The following GPR160 variants were observed in gnomAD, a reference collection of about 807,000 sequenced individuals.
GPR160 encodes G protein-coupled receptor 160, also known as probable G protein-coupled receptor 160.
Under a neutral mutation model 2.6 loss-of-function variants are expected in GPR160, and 2 were observed. The ratio of observed to expected loss-of-function variants is 0.77; its 90% CI spans 0.32 to 2.44. The LOEUF is 2.44. GPR160 is among the 30% of genes most tolerant of loss of function. GPR160 has a pLI of 0.11. For synonymous variants in GPR160, 130 were observed against 132.2 expected (o/e 0.98, Z 0.12); for missense variants, 351 against 383.6 (o/e 0.91, Z 0.71).
intron 3 of GPR160, among the ~76,000 whole-genome samples, chr3:170,080,711 T>C (rs1185792901): frequency 2.0e-5 from 3 of 152,156 alleles, no homozygotes; most frequent in South Asian, 2.1e-4. Context: ...CTACCTGGCT[T>C]TTCTTTTTGC....
At chr3:170,076,803 C>T (rs1461675958) in intron 2 of GPR160, among the ~76,000 whole-genome samples, 1 of 152,170 alleles carries the variant, frequency 6.6e-6, no homozygotes, top group Non-Finnish European at 1.5e-5. Flanking sequence ...ACCAGCCTCC[C>T]AAAGTGCTGC....
chr3:170,043,901 G>A (rs1284722012), intron 2 of GPR160, among the ~76,000 whole-genome samples: 4 of 151,862 alleles, frequency 2.6e-5, no homozygotes. Context: ...TTTAGGGAAG[G>A]GTAGTACATC....
intron 2 of GPR160, among the ~76,000 whole-genome samples, chr3:170,041,245 C>A (rs1716433306): frequency 6.6e-6 from 1 of 151,764 alleles, no homozygotes; most frequent in Admixed American, 6.6e-5. Context: ...TTCGGTGAAT[C>A]TCCCCGGCGT....
intron 2 of GPR160, among the ~76,000 whole-genome samples, chr3:170,045,779 A>G (rs991578818): frequency 6.6e-6 from 1 of 152,090 alleles, no homozygotes; most frequent in African/African-American, 2.4e-5. Flanking sequence ...TTAATTGGTT[A>G]TTAGCCAGAG....
At chr3:170,077,417 G>A (rs375124689) in intron 2 of GPR160, 1 of 152,150 alleles carries the variant, frequency 6.6e-6, no homozygotes, top group East Asian at 1.9e-4. Context: ...AGATGTATAG[G>A]TAATCGGTCA....
intron 3 of GPR160, among the ~76,000 whole-genome samples, chr3:170,082,093 T>C (rs982694847): frequency 6.6e-6 from 1 of 152,202 alleles, no homozygotes; most frequent in Non-Finnish European, 1.5e-5. Context: ...GTTTTCAGAC[T>C]CAAAACTCCA....
Position 170,084,107 on chromosome 3 carries a change from G to A in GPR160, c.135G>A (p.Met45Ile), listed in dbSNP as rs766892041. 10 of 1,595,876 alleles carry A rather than the reference G, an allele frequency of 6.3e-6. No homozygotes were observed. In the African/African-American group the frequency reaches 1.2e-4, roughly 19 times the overall value. Residue 45 changes from methionine (M) to isoleucine (I), a missense_variant, in exon 4 of 4, where the codon ATG becomes ATA. Transcript: ENST00000355897. ...KILLNILTLG[M>I]RRKNTCQNFM... ...TATTAAATATCCTTACACTAGGAATGAGAAGAAAAAACACCTGTCAAAATT... is the reference window on the plus strand; with the variant it reads ...TATTAAATATCCTTACACTAGGAATAAGAAGAAAAAACACCTGTCAAAATT...
chr3:170,059,030 AACACACACAC>A (rs10542909), intron 2 of GPR160, among the ~76,000 whole-genome samples: 121 of 148,810 alleles, frequency 8.1e-4, no homozygotes, highest in East Asian at 3.1e-3. Flanking sequence ...CACATGCACA[AACACACACAC>A]ACACACACAC....
At chr3:170,072,449 G>T (rs772075430) in intron 2 of GPR160, among the ~76,000 whole-genome samples, 5 of 152,132 alleles carry the variant, frequency 3.3e-5, no homozygotes, top group Admixed American at 6.5e-5. Context: ...TCTTTAAGTT[G>T]TGTTAGTCTG....
chr3:170,044,429 G>C (rs1716606301), intron 2 of GPR160, among the ~76,000 whole-genome samples: 1 of 151,716 alleles, frequency 6.6e-6, no homozygotes, highest in African/African-American at 2.4e-5. Flanking sequence ...ACGAATACAA[G>C]CCGCGTTGTC....
intron 2 of GPR160, among the ~76,000 whole-genome samples, chr3:170,039,347 A>T (rs1450650275): frequency 6.6e-6 from 1 of 152,170 alleles, no homozygotes; most frequent in African/African-American, 2.4e-5. Flanking sequence ...AAAACGATTT[A>T]AGAGAAATTC....
intron 2 of GPR160, among the ~76,000 whole-genome samples, chr3:170,076,163 T>A (rs1712839042): frequency 1.3e-5 from 2 of 152,080 alleles, no homozygotes; most frequent in Non-Finnish European, 2.9e-5. Flanking sequence ...GTGGGGGTGT[T>A]GGAGGGAGGA....
intron 2 of GPR160, among the ~76,000 whole-genome samples, chr3:170,058,258 G>T (rs569838827): frequency 6.6e-6 from 1 of 152,162 alleles, no homozygotes; most frequent in Non-Finnish European, 1.5e-5. Context: ...GCCACTGGGT[G>T]GCTGTACCCT....
chr3:170,050,418 T>C (rs919561834), intron 2 of GPR160, among the ~76,000 whole-genome samples: 5 of 151,824 alleles, frequency 3.3e-5, no homozygotes, highest in African/African-American at 4.8e-5. Context: ...TAATTTTTTT[T>C]TTTTTTTGAG....
At chr3:170,064,509 CTTTTCTTTTTTTTTTT>C (rs1712191941) in intron 2 of GPR160, among the ~76,000 whole-genome samples, 1 of 113,444 alleles carries the variant, frequency 8.8e-6, no homozygotes, top group Admixed American at 9.7e-5. Context: ...CTTTTCTTTT[CTTTTCTTTTTTTTTTT>C]TTTTTTTTTT....
At position 170,085,146 on chromosome 3, in the gene GPR160, TTAAA is replaced by T. The variant is rs1460884705; in HGVS notation, c.*160_*163del. On this transcript the variant is annotated 3_prime_UTR_variant, in exon 4 of 4. Coordinates refer to ENST00000355897, the MANE Select transcript of GPR160 (RefSeq NM_014373.3). ...TTTTGAAGGGCTATGATACCAGTTA[TTAAA>T]TAGTGTTTTATTTTAAAAACAAAAT... 5 of 433,344 alleles carry T rather than the reference TTAAA, an allele frequency of 1.2e-5. No homozygotes were observed. The highest frequency in any genetic ancestry group is 8.2e-5 in the African/African-American group (4 of 48,640). 26.8% of individuals were successfully genotyped at this position (433,344 alleles called of 1,614,324 possible).
At chr3:170,076,049 T>G (rs1387337978) in intron 2 of GPR160, among the ~76,000 whole-genome samples, 4 of 152,228 alleles carry the variant, frequency 2.6e-5, no homozygotes, top group African/African-American at 7.2e-5. Context: ...ATTTCATATT[T>G]CTTTTTAAAA....
Position 170,061,933 on chromosome 3 carries a change from G to A in GPR160, c.-192-17841G>A, listed in dbSNP as rs118169541. ...GGAGGCGGAGGTGGGAGCATCGCTT[G>A]AGGCCGGCAGTTTGAGACCAGCCTG... On this transcript the variant is annotated intron_variant, in intron 2 of 3. Coordinates refer to ENST00000355897, the MANE Select transcript of GPR160 (RefSeq NM_014373.3). 3.7e-3 allele frequency among the ~76,000 whole-genome samples: 558 copies of A among 152,262 alleles called. 14 individuals carry two copies. In the East Asian group the frequency reaches 0.093, roughly 25 times the overall value.
chr3:170,067,756 A>C (rs986387890), intron 2 of GPR160, among the ~76,000 whole-genome samples: 1 of 149,602 alleles, frequency 6.7e-6, no homozygotes, highest in Non-Finnish European at 1.5e-5. Flanking sequence ...TCTTACCTTT[A>C]AAAAAAAAAG....
Sources: gnomAD v4.1 joint callset for allele counts (sites outside exome capture counted in the v4.1 genomes callset) on GRCh38, gnomAD v4.1.1 for gene constraint, MANE v1.5 for transcripts, NCBI Gene and HGNC (gene_info 2026-07-23, HGNC 2026-07-21) for gene names.